The following GPR39 variants were observed in gnomAD, a reference collection of about 807,000 sequenced individuals.
The protein encoded by GPR39 is G protein-coupled receptor 39, also known as zinc sensing receptor.
A neutral mutation model predicts 18.4 loss-of-function variants in GPR39; 23 were observed. That is an observed-to-expected ratio of 1.25 (90% CI 0.90 to 1.77). The LOEUF is 1.77. GPR39 is among the 40% of genes most tolerant of loss of function. GPR39 has a pLI of 0.00. For synonymous variants in GPR39, 280 were observed against 257.9 expected (o/e 1.09, Z -0.82); for missense variants, 647 against 602.4 (o/e 1.07, Z -0.78).
At chr2:132,473,027 G>T (rs1681062172) in intron 1 of GPR39, among the ~76,000 whole-genome samples, 1 of 151,954 alleles carries the variant, frequency 6.6e-6, no homozygotes, top group African/African-American at 2.4e-5. Context: ...TCAAGTAGCT[G>T]GGCAGCTTGT....
At chr2:132,443,999 T>C (rs1350864970) in intron 1 of GPR39, among the ~76,000 whole-genome samples, 1 of 152,060 alleles carries the variant, frequency 6.6e-6, no homozygotes, top group Non-Finnish European at 1.5e-5. Flanking sequence ...CGCTTGAGCC[T>C]GGGAGGTGGA....
intron 1 of GPR39, among the ~76,000 whole-genome samples, chr2:132,444,821 T>C (rs1680505355): frequency 6.6e-6 from 1 of 152,212 alleles, no homozygotes; most frequent in African/African-American, 2.4e-5. Context: ...AGAGTAGCAG[T>C]GGCCCTTCAA....
intron 1 of GPR39, among the ~76,000 whole-genome samples, chr2:132,512,108 C>G (rs1679252429): frequency 6.6e-6 from 1 of 152,152 alleles, no homozygotes; most frequent in Admixed American, 6.5e-5. Context: ...TACCTTGGCT[C>G]TCTGTCAGTC....
chr2:132,605,109 A>G (rs1401743930), intron 1 of GPR39, among the ~76,000 whole-genome samples: 1 of 152,240 alleles, frequency 6.6e-6, no homozygotes, highest in Non-Finnish European at 1.5e-5. Flanking sequence ...TCCCAAGGTC[A>G]CATAAGATAA....
intron 1 of GPR39, among the ~76,000 whole-genome samples, chr2:132,481,245 T>C (rs1681228066): frequency 6.6e-6 from 1 of 152,188 alleles, no homozygotes. Flanking sequence ...GTGTCGGTGC[T>C]CTATAAGGTC....
At chr2:132,574,279 A>G (rs1680493521) in intron 1 of GPR39, among the ~76,000 whole-genome samples, 1 of 152,240 alleles carries the variant, frequency 6.6e-6, no homozygotes, top group Admixed American at 6.5e-5. Context: ...CCAATTTGGT[A>G]GGTAAATAGC....
At chr2:132,425,841 C>T (rs1329342201) in intron 1 of GPR39, among the ~76,000 whole-genome samples, 1 of 152,048 alleles carries the variant, frequency 6.6e-6, no homozygotes, top group African/African-American at 2.4e-5. Flanking sequence ...TGAGCACCAG[C>T]AAGAAAATGG....
At chr2:132,529,462 C>T (rs1175300806) in intron 1 of GPR39, among the ~76,000 whole-genome samples, 1 of 152,262 alleles carries the variant, frequency 6.6e-6, no homozygotes, top group African/African-American at 2.4e-5. Flanking sequence ...GCAGTAACCT[C>T]TGCAGACTTA....
intron 1 of GPR39, among the ~76,000 whole-genome samples, chr2:132,547,539 C>G (rs1679972345): frequency 6.6e-6 from 1 of 152,222 alleles, no homozygotes; most frequent in Non-Finnish European, 1.5e-5. Context: ...CTTTCGGCTG[C>G]TTTGTGTAAT....
chr2:132,425,738 A>C (rs907404379), intron 1 of GPR39, among the ~76,000 whole-genome samples: 2 of 152,196 alleles, frequency 1.3e-5, no homozygotes, highest in African/African-American at 4.8e-5. Flanking sequence ...CTAAGAGTCA[A>C]AGCATGAGAG....
chr2:132,645,357 GA>G lies in GPR39; in HGVS notation c.1115del (p.Lys372SerfsTer39), dbSNP rs2104886466. 1 of 1,614,070 alleles carries G rather than the reference GA, an allele frequency of 6.2e-7. No individual in the cohort carries two copies. Among genetic ancestry groups the G allele is most frequent in the East Asian group, 2.2e-5 (1 of 44,882 alleles). On this transcript the variant is annotated frameshift_variant, in exon 2 of 2. Coordinates refer to ENST00000329321, the MANE Select transcript of GPR39 (RefSeq NM_001508.3). LOFTEE classifies it low-confidence loss of function (END_TRUNC). ...TGTCGCTGCAGCACGCCAACCACGA[GA>G]AGCGCCTGCGCGTACATGCGCACTC... ...RLSLQHANHE[K>X]RLRVHAHSTT... is the part of the protein sequence containing the mutation.
chr2:132,536,009 C>CAA (rs56929155), intron 1 of GPR39, among the ~76,000 whole-genome samples: 286 of 140,120 alleles, frequency 2.0e-3, no homozygotes, highest in East Asian at 9.3e-3. Context: ...TTAATTTTTT[C>CAA]AAAAAAAAAA....
rs150955443 is a variant in GPR39, at chr2:132,645,528, C to G, written c.1284C>G (p.Leu428=). The stretch of plus-strand genomic sequence containing the variant: ...AGTCTAAGTCCCAGTCATTGAGTCT[C>G]GAGTCACTAGAGCCCAACTCAGGCG... ...EPQSKSQSLS[L]ESLEPNSGAK... The change falls in exon 2 of 2, where the codon CTC becomes CTG. Residue 428 remains leucine (L), a synonymous_variant. Coordinates refer to ENST00000329321, the MANE Select transcript of GPR39 (RefSeq NM_001508.3). The G allele has an allele frequency of 1.2e-6, 2 of 1,614,162 alleles. No individual in the cohort carries two copies. The highest frequency in any genetic ancestry group is 2.2e-5 in the East Asian group (1 of 44,862).
chr2:132,599,648 G>A (rs928218267), intron 1 of GPR39, among the ~76,000 whole-genome samples: 3 of 151,462 alleles, frequency 2.0e-5, no homozygotes, highest in Non-Finnish European at 4.4e-5. Flanking sequence ...TTATTGATAG[G>A]GAACAGAACT....
chr2:132,464,534 C>T (rs564456811), intron 1 of GPR39, among the ~76,000 whole-genome samples: 17 of 152,300 alleles, frequency 1.1e-4, no homozygotes, highest in Admixed American at 3.9e-4. Flanking sequence ...GAGAAGCCCA[C>T]ATTAAAAACC....
chr2:132,540,889 T>C (rs1346350247), intron 1 of GPR39, among the ~76,000 whole-genome samples: 1 of 151,922 alleles, frequency 6.6e-6, no homozygotes, highest in Non-Finnish European at 1.5e-5. Context: ...AGAATCTCTG[T>C]AAAACCTGGG....
At chr2:132,644,940 C>A in intron 1 of GPR39, 161 bp from the exon 2 acceptor site, 1 of 760,976 alleles carries the variant, frequency 1.3e-6, no homozygotes, top group Non-Finnish European at 2.1e-6. Flanking sequence ...TTGCTTGTGG[C>A]AAAAGAAGCT....
rs180707211 is a variant in GPR39, at chr2:132,438,432, T to C, written c.856+20534T>C. On this transcript the variant is annotated intron_variant, in intron 1 of 1. Coordinates refer to ENST00000329321, the MANE Select transcript of GPR39 (RefSeq NM_001508.3). ...TGCAGGCTCAAGTCACTCAGTACAC[T>C]GCTTTCCTAAGTTTGACATGCCCTG... is the stretch of plus-strand genomic sequence containing the variant. Among the ~76,000 whole-genome samples the C allele has an allele frequency of 2.6e-5, 4 of 152,272 alleles. No individual in the cohort carries two copies. The East Asian group carries it at 7.7e-4, about 29-fold the overall frequency.
At chr2:132,426,435 C>A (rs1264340272) in intron 1 of GPR39, among the ~76,000 whole-genome samples, 2 of 152,196 alleles carry the variant, frequency 1.3e-5, no homozygotes, top group East Asian at 3.9e-4. Context: ...CATAGCCTGG[C>A]AATGACTAGG....
Sources: allele counts gnomAD v4.1 joint callset (sites outside exome capture counted in the v4.1 genomes callset), GRCh38; gene constraint gnomAD v4.1.1; transcripts MANE v1.5; gene names NCBI Gene and HGNC (gene_info 2026-07-23, HGNC 2026-07-21).